Variants in AOPEP observed in about 807,000 individuals in gnomAD.
The protein encoded by AOPEP is aminopeptidase O.
A neutral mutation model predicts 98.1 loss-of-function variants in AOPEP; 77 were observed. The observed-to-expected ratio is 0.78, with a 90% confidence interval of 0.65 to 0.95. The LOEUF is 0.95. AOPEP is among the 40% of genes least tolerant of loss of function. AOPEP has a pLI of 0.00. For synonymous variants in AOPEP, 346 were observed against 365.3 expected, an observed-to-expected ratio of 0.95 and a Z score of 0.60; for missense variants, 1,024 against 1,024.7, an observed-to-expected ratio of 1.00 and a Z score of 0.01.
At chr9:94,913,339 G>T (rs1248252045) in intron 5 of AOPEP, among the ~76,000 whole-genome samples, 1 of 152,126 alleles carries the variant, frequency 6.6e-6, no homozygotes, top group Admixed American at 6.5e-5. Context: ...TTCTGGTGAG[G>T]TTTATTACCT....
At chr9:94,989,303 T>A (rs529127320) in intron 11 of AOPEP, among the ~76,000 whole-genome samples, 1 of 151,986 alleles carries the variant, frequency 6.6e-6, no homozygotes, top group South Asian at 2.1e-4. Context: ...GGGGTTTCAC[T>A]GTGTTAGCGA....
chr9:94,960,015 G>A (rs1163117992), intron 9 of AOPEP, among the ~76,000 whole-genome samples: 5 of 152,088 alleles, frequency 3.3e-5, no homozygotes, highest in Non-Finnish European at 5.9e-5. Context: ...ATTTTTTATG[G>A]TTAAGAAACA....
chr9:94,883,403 G>A (rs1444324943), intron 5 of AOPEP, among the ~76,000 whole-genome samples: 1 of 152,196 alleles, frequency 6.6e-6, no homozygotes, highest in Non-Finnish European at 1.5e-5. Context: ...AAAGGAAAAT[G>A]AGGTACATAA....
intron 11 of AOPEP, among the ~76,000 whole-genome samples, chr9:94,995,146 ATGTGT>A (rs2061142070): frequency 6.6e-6 from 1 of 152,128 alleles, no homozygotes; most frequent in Admixed American, 6.5e-5. Context: ...AGTAGCTCAG[ATGTGT>A]TGTGTCTTTG....
chr9:94,980,139 TCTC>T lies in AOPEP; in HGVS notation c.1977+716_1977+718del, dbSNP rs935934469. On this transcript the variant is annotated intron_variant, in intron 11 of 16. Transcript: ENST00000375315. The surrounding 1 kb of genome is among the most constrained non-coding windows in gnomAD (Gnocchi z 4.3). ...GCCTGGAGCTCCTCTCCCCGTCCAC[TCTC>T]CTCTGGCCCTGTGCCTCCCAGAGAC... 1.4e-4 allele frequency among the ~76,000 whole-genome samples: 22 copies of T among 152,156 alleles called. No individual in the cohort carries two copies. Among genetic ancestry groups the T allele is most frequent in the African/African-American group, 5.3e-4 (22 of 41,440 alleles).
At position 95,071,581 on chromosome 9, in the gene AOPEP, A is replaced by C. The variant is rs1446195951; in HGVS notation, c.2233-9113A>C. ...ATGCACCAAACTGAATCCTGGCTCC[A>C]GGATTGCCGTGGAAGAGACAATGAG... On this transcript the variant is annotated intron_variant, in intron 14 of 16. Transcript: ENST00000375315. Among the ~76,000 whole-genome samples, 4 of 152,290 alleles carry C rather than the reference A, an allele frequency of 2.6e-5. No homozygotes were observed. In the East Asian group the frequency reaches 5.8e-4, roughly 22 times the overall value.
chr9:94,931,616 A>G (rs1191881386), intron 7 of AOPEP: 2 of 773,864 alleles, frequency 2.6e-6, no homozygotes, highest in African/African-American at 1.8e-5. Context: ...AGTCCCTTAA[A>G]AACAATCAGA....
chr9:94,824,044 G>T lies in AOPEP; in HGVS notation c.1364+23042G>T, dbSNP rs189202510. ...TCGCAGTGGTGATTAAAGTTATTTT[G>T]CTTTTTGCTGAAGACCTCTAGTGTG... On this transcript the variant is annotated intron_variant, in intron 5 of 16. Coordinates refer to ENST00000375315, the MANE Select transcript of AOPEP (RefSeq NM_001193329.3). Among the ~76,000 whole-genome samples the T allele has an allele frequency of 5.3e-5, 8 of 152,282 alleles. No homozygotes were observed. In the East Asian group the frequency reaches 1.5e-3, roughly 29 times the overall value.
intron 5 of AOPEP, among the ~76,000 whole-genome samples, chr9:94,836,543 T>C (rs1175188884): frequency 6.6e-6 from 1 of 152,200 alleles, no homozygotes; most frequent in Non-Finnish European, 1.5e-5. Context: ...ACATTATTAA[T>C]TGGGTTGTTT....
chr9:95,107,593 A>C, the AOPEP span: 1 of 444,972 alleles, frequency 2.2e-6, no homozygotes, highest in Non-Finnish European at 4.1e-6. Flanking sequence ...AAAAGAACAA[A>C]AGGCTCCTTG....
intron 11 of AOPEP, among the ~76,000 whole-genome samples, chr9:94,999,768 C>A (rs2061444003): frequency 6.6e-6 from 1 of 151,812 alleles, no homozygotes; most frequent in Admixed American, 6.6e-5. Context: ...AATCTGTGAA[C>A]ATCCTGACAA....
At chr9:95,042,718 T>C (rs1394190373) in intron 13 of AOPEP, among the ~76,000 whole-genome samples, 1 of 152,218 alleles carries the variant, frequency 6.6e-6, no homozygotes, top group Non-Finnish European at 1.5e-5. Flanking sequence ...CTTCTCACAC[T>C]GCTGTCTTTT....
intron 4 of AOPEP, among the ~76,000 whole-genome samples, chr9:94,797,486 A>G (rs1564152740): frequency 6.6e-6 from 1 of 152,072 alleles, no homozygotes; most frequent in Non-Finnish European, 1.5e-5. Context: ...AGGCGATTCT[A>G]TGAAGAATGG....
At chr9:94,746,884 C>T (rs1021369132) in intron 1 of AOPEP, among the ~76,000 whole-genome samples, 1 of 152,104 alleles carries the variant, frequency 6.6e-6, no homozygotes, top group African/African-American at 2.4e-5. Flanking sequence ...CTCCCCCCCA[C>T]TTGACTGGTT....
intron 11 of AOPEP, among the ~76,000 whole-genome samples, chr9:94,992,828 T>G (rs1227247727): frequency 6.6e-6 from 1 of 152,242 alleles, no homozygotes; most frequent in Non-Finnish European, 1.5e-5. Flanking sequence ...TTTACTTTCA[T>G]GTGTCTTTCC....
At chr9:95,017,155 C>T (rs1330149454) in intron 13 of AOPEP, among the ~76,000 whole-genome samples, 2 of 152,054 alleles carry the variant, frequency 1.3e-5, no homozygotes, top group Admixed American at 6.5e-5. Context: ...GGATCCTATT[C>T]GTATACAAGT....
chr9:95,082,745 C>T, intron 16 of AOPEP, 26 bp downstream of exon 16: 1 of 1,612,940 alleles, frequency 6.2e-7, no homozygotes, highest in South Asian at 1.1e-5. Flanking sequence ...TCCTTTCTGT[C>T]ATTTAGTTCT....
chr9:94,777,623 A>ATTTT (rs1842418924), intron 3 of AOPEP, among the ~76,000 whole-genome samples: 2 of 135,334 alleles, frequency 1.5e-5, no homozygotes, highest in African/African-American at 6.1e-5. Context: ...GAATTATATA[A>ATTTT]TCTTTTTTTT....
At chr9:95,136,235 A>AT in the AOPEP span, among the ~76,000 whole-genome samples, 3 of 151,048 alleles carry the variant, frequency 2.0e-5, no homozygotes, top group East Asian at 1.9e-4. Flanking sequence ...ACAAAAAAAA[A>AT]TTTTTTTTTT....
Sources: gnomAD v4.1 joint callset for allele counts (sites outside exome capture counted in the v4.1 genomes callset) on GRCh38, gnomAD v4.1.1 for gene constraint, Gnocchi (gnomAD v3.1) non-coding constraint, MANE v1.5 for transcripts, NCBI Gene and HGNC (gene_info 2026-07-23, HGNC 2026-07-21) for gene names.